The following CACNA1E variants were observed in gnomAD, a reference collection of about 807,000 sequenced individuals.
CACNA1E encodes calcium voltage-gated channel subunit alpha1 E.
CACNA1E carries 40 observed loss-of-function variants against 259.2 expected under a neutral mutation model. The ratio of observed to expected loss-of-function variants is 0.15; its 90% confidence interval spans 0.12 to 0.20. CACNA1E has a LOEUF of 0.20. Ranked by LOEUF, CACNA1E falls within the 10% of genes least tolerant of loss-of-function variation. The pLI is 1.00. For synonymous variants in CACNA1E, 1,104 were observed against 1,138.5 expected, an observed-to-expected ratio of 0.97 and a Z score of 0.61; for missense variants, 1,874 against 3,040.1, an observed-to-expected ratio of 0.62 and a Z score of 9.02.
rs545232278 is a variant in CACNA1E at position 181,757,163 on chromosome 1, G to T, written c.4329+37G>T. 8 of 1,462,766 alleles carry T rather than the reference G, an allele frequency of 5.5e-6. No homozygotes were observed. The South Asian group carries it at 8.0e-5, about 15-fold the overall frequency. 90.6% of individuals were successfully genotyped at this position (1,462,766 alleles called of 1,614,324 possible). A position where few individuals can be genotyped will look rare whatever the true frequency, so the allele number is the denominator to read the frequency against. ...TGGTCTAAAGTGGGGAGCAGCAGAGGCTCCAGAAAGGATTCTTGGGCCAGC... is the reference window on the plus strand; with the variant it reads ...TGGTCTAAAGTGGGGAGCAGCAGAGTCTCCAGAAAGGATTCTTGGGCCAGC... On this transcript the variant is annotated intron_variant, in intron 30 of 47. Transcript: ENST00000367573.
intron 1 of CACNA1E, among the ~76,000 whole-genome samples, chr1:181,396,077 C>T (rs2102059806): frequency 6.6e-6 from 1 of 152,280 alleles, no homozygotes; most frequent in Admixed American, 6.5e-5. Flanking sequence ...GCTGGAGAAT[C>T]CCATTCCAAA....
At chr1:181,420,034 G>A (rs1571824865) in intron 2 of CACNA1E, among the ~76,000 whole-genome samples, 1 of 152,100 alleles carries the variant, frequency 6.6e-6, no homozygotes, top group Admixed American at 6.5e-5. Flanking sequence ...TACTGTAGTG[G>A]GAAATCAGGC....
intron 1 of CACNA1E, among the ~76,000 whole-genome samples, chr1:181,366,555 G>A (rs746774663): frequency 2.0e-5 from 3 of 152,168 alleles, no homozygotes; most frequent in Non-Finnish European, 4.4e-5. Flanking sequence ...GGCCACAGTT[G>A]CAGGGATAAC....
intron 10 of CACNA1E, 52 bp from the exon 11 acceptor site, chr1:181,717,041 C>A: frequency 6.6e-7 from 1 of 1,518,938 alleles, no homozygotes; most frequent in South Asian, 1.1e-5. Context: ...GCTCCCTGGC[C>A]CGGACCACAG....
intron 1 of CACNA1E, among the ~76,000 whole-genome samples, chr1:181,366,583 A>C (rs1289989617): frequency 6.6e-6 from 1 of 152,172 alleles, no homozygotes; most frequent in Non-Finnish European, 1.5e-5. Flanking sequence ...CCAAGGCTTC[A>C]TAAGGGCTGC....
At chr1:181,736,241 G>A in intron 21 of CACNA1E, 34 bp from the exon 22 acceptor site, 1 of 1,552,854 alleles carries the variant, frequency 6.4e-7, no homozygotes, top group Non-Finnish European at 8.7e-7. Flanking sequence ...CATGCCTCAT[G>A]ATTTCTGAAG....
intron 1 of CACNA1E, among the ~76,000 whole-genome samples, chr1:181,503,233 G>T (rs1665420383): frequency 6.6e-6 from 1 of 152,222 alleles, no homozygotes; most frequent in Non-Finnish European, 1.5e-5. Context: ...TTCTCAGTCG[G>T]CTCAGACGAG....
chr1:181,376,394 G>A lies in CACNA1E; in HGVS notation c.-14-36739G>A, dbSNP rs151031949. The stretch of plus-strand genomic sequence containing the variant: ...CTGGAAGAGCCGCTTTTCCTTCTAC[G>A]ATTGCATTGGCCTATTGCATGTTTC... On this transcript the variant is annotated intron_variant, in intron 1 of 11. Coordinates refer to the CACNA1E transcript ENST00000524607. Among the ~76,000 whole-genome samples the A allele has an allele frequency of 3.2e-3, 482 of 152,332 alleles. 3 individuals carry two copies. The highest frequency in any genetic ancestry group is 4.4e-3 in the Admixed American group (67 of 15,306).
chr1:181,432,125 G>T (rs995005719), intron 2 of CACNA1E, among the ~76,000 whole-genome samples: 2 of 152,146 alleles, frequency 1.3e-5, no homozygotes, highest in African/African-American at 2.4e-5. Context: ...ATACCTCCTT[G>T]GCCTGATTTA....
At chr1:181,411,594 C>A (rs557026829) in intron 1 of CACNA1E, among the ~76,000 whole-genome samples, 16 of 152,198 alleles carry the variant, frequency 1.1e-4, no homozygotes, top group Non-Finnish European at 1.9e-4. Context: ...CCAACCCCAG[C>A]TGGGCTAGGT....
At chr1:181,757,815 G>C in intron 30 of CACNA1E, 132 bp from the exon 31 acceptor site, 1 of 913,910 alleles carries the variant, frequency 1.1e-6, no homozygotes, top group South Asian at 1.6e-5. Flanking sequence ...AGTGACCCCA[G>C]TTGCCATCTT....
At chr1:181,706,395 A>G (rs1652800927) in intron 7 of CACNA1E, among the ~76,000 whole-genome samples, 2 of 152,176 alleles carry the variant, frequency 1.3e-5, no homozygotes, top group East Asian at 3.9e-4. Context: ...CTGGCCACAT[A>G]TATACCCATG....
chr1:181,424,112 A>T (rs1400068620), intron 2 of CACNA1E, among the ~76,000 whole-genome samples: 1 of 152,218 alleles, frequency 6.6e-6, no homozygotes, highest in Non-Finnish European at 1.5e-5. Flanking sequence ...TGCCAGTGGA[A>T]CACAGAAATC....
At chr1:181,583,280 C>T (rs546685415) in intron 6 of CACNA1E, among the ~76,000 whole-genome samples, 1 of 152,288 alleles carries the variant, frequency 6.6e-6, no homozygotes, top group African/African-American at 2.4e-5. Context: ...ACCACAACCA[C>T]CACCAATAAG....
chr1:181,507,003 C>T (rs1341716594), intron 1 of CACNA1E, among the ~76,000 whole-genome samples: 1 of 151,910 alleles, frequency 6.6e-6, no homozygotes, highest in Non-Finnish European at 1.5e-5. Context: ...CTGAAAGGGA[C>T]ATCCCTCTCA....
intron 44 of CACNA1E, among the ~76,000 whole-genome samples, chr1:181,791,982 C>CA (rs1661357460): frequency 6.6e-6 from 1 of 152,176 alleles, no homozygotes; most frequent in African/African-American, 2.4e-5. Context: ...GTGGGGGAGA[C>CA]AGTTAGTCCA....
At chr1:181,391,694 G>A (rs567011412) in intron 1 of CACNA1E, among the ~76,000 whole-genome samples, 28 of 152,314 alleles carry the variant, frequency 1.8e-4, no homozygotes, top group Admixed American at 1.4e-3. Context: ...GCTAGAGCCA[G>A]TTCTCTAGGG....
chr1:181,407,395 T>G (rs1346804943), intron 1 of CACNA1E, among the ~76,000 whole-genome samples: 1 of 152,142 alleles, frequency 6.6e-6, no homozygotes, highest in African/African-American at 2.4e-5. Flanking sequence ...ACAATACCTC[T>G]TACCAACTTA....
intron 1 of CACNA1E, among the ~76,000 whole-genome samples, chr1:181,331,463 G>T (rs1194601149): frequency 6.6e-6 from 1 of 152,148 alleles, no homozygotes; most frequent in African/African-American, 2.4e-5. Context: ...TCCAAGGAGA[G>T]GGGAGGAAGA....
Sources: allele counts gnomAD v4.1 joint callset (sites outside exome capture counted in the v4.1 genomes callset), GRCh38; gene constraint gnomAD v4.1.1; transcripts MANE v1.5; gene names NCBI Gene and HGNC (gene_info 2026-07-23, HGNC 2026-07-21).